Variants in CENPP observed in about 807,000 individuals in gnomAD.
The protein encoded by CENPP is centromere protein P.
A neutral mutation model predicts 35.6 loss-of-function variants in CENPP; 24 were observed. The ratio of observed to expected loss-of-function variants is 0.67; its 90% CI spans 0.49 to 0.95. The LOEUF (loss-of-function observed/expected upper bound fraction) is 0.95. CENPP is among the 40% of genes least tolerant of loss of function. The probability of loss-of-function intolerance (pLI) is 0.00; values close to 1 mark genes in which losing one functional copy is unlikely to be tolerated. For missense variants in CENPP, 332 were observed against 345.3 expected, an observed-to-expected ratio of 0.96 and a Z score of 0.31; for synonymous variants, 120 against 125.5, an observed-to-expected ratio of 0.96 and a Z score of 0.29.
At chr9:92,409,462 T>C (rs1843389118) in intron 5 of CENPP, among the ~76,000 whole-genome samples, 1 of 152,248 alleles carries the variant, frequency 6.6e-6, no homozygotes, top group Non-Finnish European at 1.5e-5. Flanking sequence ...GTGTGTTATA[T>C]AATATGCATA....
At chr9:92,573,905 GGGATGTAATCTCCT>G (rs752655713) in intron 5 of CENPP, among the ~76,000 whole-genome samples, 2 of 152,192 alleles carry the variant, frequency 1.3e-5, no homozygotes, top group African/African-American at 2.4e-5. Flanking sequence ...AGCCAGGCGC[GGGATGTAATCTCCT>G]GGTGTGCCGT....
rs558355895 is a variant in CENPP, at chr9:92,373,654, C to A, written c.468-6109C>A. On this transcript the variant is annotated intron_variant, in intron 4 of 7. Coordinates refer to ENST00000375587, the MANE Select transcript of CENPP (RefSeq NM_001012267.3). ...CATCCTGGCCAACATGATGAAACAC[C>A]GTCTCTACTAAAAATACAAAATTTA... Among the ~76,000 whole-genome samples, 316 of 152,046 alleles carry A rather than the reference C, an allele frequency of 2.1e-3. 2 individuals are homozygous for A. Among genetic ancestry groups the A allele is most frequent in the Middle Eastern group, 6.8e-3 (2 of 294 alleles).
chr9:92,571,303 G>A (rs1850133303), intron 5 of CENPP, among the ~76,000 whole-genome samples: 1 of 152,166 alleles, frequency 6.6e-6, no homozygotes, highest in Non-Finnish European at 1.5e-5. Context: ...TGGTTTCAAA[G>A]AACATCTTTA....
At chr9:92,375,576 G>T (rs758415181) in intron 4 of CENPP, among the ~76,000 whole-genome samples, 1 of 151,926 alleles carries the variant, frequency 6.6e-6, no homozygotes, top group Non-Finnish European at 1.5e-5. Flanking sequence ...GATTACAGGC[G>T]TGAGCCACCG....
At chr9:92,377,625 T>G (rs760394476) in intron 4 of CENPP, among the ~76,000 whole-genome samples, 1 of 152,208 alleles carries the variant, frequency 6.6e-6, no homozygotes, top group Non-Finnish European at 1.5e-5. Flanking sequence ...CCAGTAAAAG[T>G]GATTCTGACA....
At chr9:92,397,619 C>G (rs990154327) in intron 5 of CENPP, among the ~76,000 whole-genome samples, 1 of 152,176 alleles carries the variant, frequency 6.6e-6, no homozygotes, top group African/African-American at 2.4e-5. Context: ...CATGAGCCAC[C>G]ACACCCGGCC....
intron 5 of CENPP, among the ~76,000 whole-genome samples, chr9:92,544,981 T>A (rs760125639): frequency 1.1e-4 from 16 of 152,130 alleles, no homozygotes; most frequent in Admixed American, 1.0e-3. Flanking sequence ...CTCAGCCCGC[T>A]CCAGAGTGCT....
In CENPP at chr9:92,604,076, T is replaced by G. The variant is rs76920994; in HGVS notation, c.565-7238T>G. On this transcript the variant is annotated intron_variant, in intron 5 of 7. Coordinates refer to ENST00000375587, the MANE Select transcript of CENPP (RefSeq NM_001012267.3). The stretch of plus-strand genomic sequence containing the variant: ...CATGTTTTCCTTTCTCTTGGGTAAA[T>G]ATGTAGGAGAGGGATTGCTGGATCA... Among the ~76,000 whole-genome samples, 1,127 of 152,310 alleles carry G rather than the reference T, an allele frequency of 7.4e-3. 11 individuals are homozygous for G. The highest frequency in any genetic ancestry group is 0.025 in the African/African-American group (1,020 of 41,552).
intron 5 of CENPP, among the ~76,000 whole-genome samples, chr9:92,463,814 T>G (rs1845203109): frequency 6.6e-6 from 1 of 152,244 alleles, no homozygotes; most frequent in African/African-American, 2.4e-5. Flanking sequence ...CTGAGGTGTT[T>G]TTTTGGATTT....
intron 5 of CENPP, among the ~76,000 whole-genome samples, chr9:92,547,910 G>A (rs1015388649): frequency 1.4e-4 from 21 of 152,136 alleles, no homozygotes; most frequent in African/African-American, 4.8e-4. Context: ...CCTGGCCAGT[G>A]TGGTAAAGCA....
intron 5 of CENPP, among the ~76,000 whole-genome samples, chr9:92,425,483 T>C (rs999285184): frequency 1.2e-4 from 19 of 152,342 alleles, no homozygotes; most frequent in African/African-American, 4.6e-4. Context: ...ACTGTTCTCA[T>C]ATTCTAAACA....
At chr9:92,460,403 ATCTCTAC>A in intron 5 of CENPP, 2 of 907,878 alleles carry the variant, frequency 2.2e-6, no homozygotes, top group East Asian at 5.1e-5. Context: ...ACAGACAGTG[ATCTCTAC>A]CAGGGTCCCT....
At chr9:92,343,822 G>T (rs866869759) in intron 3 of CENPP, among the ~76,000 whole-genome samples, 1 of 151,808 alleles carries the variant, frequency 6.6e-6, no homozygotes, top group African/African-American at 2.4e-5. Flanking sequence ...AATTAGCCAG[G>T]CTTGGTTACT....
At chr9:92,511,874 G>A (rs1163827878) in intron 5 of CENPP, 2 of 575,262 alleles carry the variant, frequency 3.5e-6, no homozygotes, top group Admixed American at 3.4e-5. Flanking sequence ...TCAAATTAGG[G>A]ACATCAGAGA....
chr9:92,460,351 G>A (rs1184145645), intron 5 of CENPP: 1 of 594,846 alleles, frequency 1.7e-6, no homozygotes, highest in African/African-American at 1.9e-5. Flanking sequence ...GTTCTTTCTA[G>A]TTTTCCCTTC....
At chr9:92,429,718 C>T (rs952767086) in intron 5 of CENPP, among the ~76,000 whole-genome samples, 2 of 152,056 alleles carry the variant, frequency 1.3e-5, no homozygotes, top group Non-Finnish European at 1.5e-5. Flanking sequence ...ACCCAGGAGG[C>T]GGAGGTTGCA....
At chr9:92,356,828 A>T (rs150748238) in intron 4 of CENPP, among the ~76,000 whole-genome samples, 4,534 of 152,350 alleles carry the variant, frequency 0.03, 105 homozygotes, top group South Asian at 0.083. Context: ...TGTCCATTTT[A>T]AAATGAAATC....
intron 5 of CENPP, among the ~76,000 whole-genome samples, chr9:92,458,456 T>C (rs2131038077): frequency 6.6e-6 from 1 of 152,252 alleles, no homozygotes; most frequent in Middle Eastern, 3.4e-3. Context: ...GCTAAAACAT[T>C]TAAGTTTGGT....
At chr9:92,467,252 C>T (rs1564337319) in intron 5 of CENPP, among the ~76,000 whole-genome samples, 1 of 152,158 alleles carries the variant, frequency 6.6e-6, no homozygotes, top group Non-Finnish European at 1.5e-5. Flanking sequence ...GTGCTCTCTG[C>T]ACAAGTCTTT....
Sources: allele counts gnomAD v4.1 joint callset (sites outside exome capture counted in the v4.1 genomes callset), GRCh38; gene constraint gnomAD v4.1.1; transcripts MANE v1.5; gene names NCBI Gene and HGNC (gene_info 2026-07-23, HGNC 2026-07-21).